TMTC2: variants seen among roughly 807,000 people sequenced by gnomAD.
TMTC2 encodes transmembrane O-mannosyltransferase targeting cadherins 2.
In TMTC2, 43 loss-of-function variants were observed where a neutral mutation model predicts 82.4. That is an observed-to-expected ratio of 0.52 (90% confidence interval 0.41 to 0.67). TMTC2 has a LOEUF of 0.67. Among genes scored for constraint, TMTC2 ranks in the 30% least tolerant of loss-of-function variants. The pLI, the probability that TMTC2 is intolerant of heterozygous loss-of-function variation, is 0.00. For synonymous variants in TMTC2, 408 were observed against 381.9 expected, an observed-to-expected ratio of 1.07 and a Z score of -0.80; for missense variants, 919 against 1,012.4, an observed-to-expected ratio of 0.91 and a Z score of 1.25.
At chr12:83,117,794 C>T (rs770714694) in intron 11 of TMTC2, among the ~76,000 whole-genome samples, 9 of 151,950 alleles carry the variant, frequency 5.9e-5, no homozygotes, top group South Asian at 4.2e-4. Context: ...GAGCATGAGA[C>T]GTATTTCCAT....
rs1298374846 is a variant in TMTC2 at position 82,925,188 on chromosome 12, A to G, written c.1484-5243A>G. On this transcript the variant is annotated intron_variant, in intron 3 of 11. Coordinates refer to ENST00000321196, the MANE Select transcript of TMTC2 (RefSeq NM_152588.3). ...ATCCTCATCCATACCATGTTACTTT[A>G]TTTTACATTATTTATAACACTTATC... 2.0e-5 allele frequency among the ~76,000 whole-genome samples: 3 copies of G among 152,204 alleles called. No individual in the cohort carries two copies. The East Asian group carries it at 5.8e-4, about 29-fold the overall frequency.
chr12:82,920,065 A>G (rs1290929240), intron 3 of TMTC2, among the ~76,000 whole-genome samples: 1 of 152,142 alleles, frequency 6.6e-6, no homozygotes, highest in Non-Finnish European at 1.5e-5. Flanking sequence ...CTAAGTATCA[A>G]TTTTCTATAT....
chr12:82,712,386 C>G (rs1249131827), intron 1 of TMTC2, among the ~76,000 whole-genome samples: 1 of 146,910 alleles, frequency 6.8e-6, no homozygotes, highest in African/African-American at 2.5e-5. Flanking sequence ...GCCAAGATCG[C>G]ACCACTGCAC....
intron 1 of TMTC2, among the ~76,000 whole-genome samples, chr12:82,731,286 G>GT (rs1874796371): frequency 6.6e-6 from 1 of 152,238 alleles, no homozygotes; most frequent in Non-Finnish European, 1.5e-5. Context: ...CTGAGCAAAT[G>GT]TTTCTGCGTA....
chr12:82,732,694 A>G (rs1361960766), intron 1 of TMTC2, among the ~76,000 whole-genome samples: 2 of 152,172 alleles, frequency 1.3e-5, no homozygotes, highest in African/African-American at 4.8e-5. Flanking sequence ...GTAGCTATAG[A>G]AAGACAGATG....
intron 1 of TMTC2, among the ~76,000 whole-genome samples, chr12:82,813,788 A>G (rs1340223199): frequency 1.3e-5 from 2 of 152,084 alleles, no homozygotes; most frequent in Non-Finnish European, 2.9e-5. Flanking sequence ...TTTAATGTTT[A>G]TGGTCATTCA....
chr12:83,014,629 C>T (rs1880594395), intron 8 of TMTC2, among the ~76,000 whole-genome samples: 1 of 152,080 alleles, frequency 6.6e-6, no homozygotes, highest in East Asian at 1.9e-4. Context: ...ATGAGCCAGT[C>T]CTGGAATGCT....
intron 1 of TMTC2, among the ~76,000 whole-genome samples, chr12:82,732,499 C>T (rs1184453400): frequency 1.3e-5 from 2 of 152,138 alleles, no homozygotes; most frequent in Non-Finnish European, 2.9e-5. Context: ...CCCGCCACCA[C>T]GCTTGGCTAA....
At chr12:82,875,370 G>C (rs1872431590) in intron 2 of TMTC2, among the ~76,000 whole-genome samples, 1 of 142,330 alleles carries the variant, frequency 7.0e-6, no homozygotes, top group African/African-American at 3.1e-5. Context: ...AATCATATAT[G>C]TGTGTATATA....
intron 11 of TMTC2, among the ~76,000 whole-genome samples, chr12:83,072,243 A>T (rs1035976287): frequency 1.3e-5 from 2 of 152,098 alleles, no homozygotes; most frequent in Admixed American, 1.3e-4. Context: ...TTAAATTTCC[A>T]TCTTGATTTT....
chr12:82,935,249 G>A (rs936470768), intron 4 of TMTC2, among the ~76,000 whole-genome samples: 9 of 152,026 alleles, frequency 5.9e-5, no homozygotes, highest in Non-Finnish European at 8.8e-5. Flanking sequence ...ATTTGAATCC[G>A]TGCTTACAGA....
chr12:82,713,052 G>A (rs1235512906), intron 1 of TMTC2, among the ~76,000 whole-genome samples: 10 of 152,198 alleles, frequency 6.6e-5, no homozygotes, highest in Admixed American at 6.5e-4. Flanking sequence ...AGGCGCAGTG[G>A]CTCACACCTG....
chr12:82,867,906 A>G (rs1293939375), intron 2 of TMTC2, among the ~76,000 whole-genome samples: 3 of 152,294 alleles, frequency 2.0e-5, no homozygotes, highest in East Asian at 1.9e-4. Context: ...GTATTTGGCT[A>G]ATCTTTTCAC....
chr12:82,723,593 G>T (rs1268815157), intron 1 of TMTC2, among the ~76,000 whole-genome samples: 2 of 152,096 alleles, frequency 1.3e-5, no homozygotes, highest in Non-Finnish European at 2.9e-5. Context: ...TTTCTCTTGG[G>T]AATGCTGAAT....
chr12:82,726,630 C>T (rs376236291), intron 1 of TMTC2, among the ~76,000 whole-genome samples: 12 of 152,200 alleles, frequency 7.9e-5, no homozygotes, highest in African/African-American at 2.6e-4. Flanking sequence ...CCTATAATCT[C>T]AGCACTTTGG....
rs150164126 is a variant in TMTC2 at position 82,949,249 on chromosome 12, T to C, written c.1599-15775T>C. Reference sequence around the variant, plus strand: ...CCTGCAAATAGCAAAGAATAGATAGTAAATCAGTATATAGGTTTAAAGTTA... The same window carrying C: ...CCTGCAAATAGCAAAGAATAGATAGCAAATCAGTATATAGGTTTAAAGTTA... On this transcript the variant is annotated intron_variant, in intron 4 of 11. Coordinates refer to ENST00000321196, the MANE Select transcript of TMTC2 (RefSeq NM_152588.3). Among the ~76,000 whole-genome samples, 1,309 of 152,346 alleles carry C rather than the reference T, an allele frequency of 8.6e-3. 21 individuals are homozygous for C. Among genetic ancestry groups the C allele is most frequent in the African/African-American group, 0.03 (1,241 of 41,592 alleles).
At chr12:82,700,809 G>C (rs1363667523) in intron 1 of TMTC2, among the ~76,000 whole-genome samples, 4 of 152,064 alleles carry the variant, frequency 2.6e-5, no homozygotes, top group African/African-American at 7.2e-5. Context: ...AGAAATACCT[G>C]AAACTGAGTA....
intron 3 of TMTC2, among the ~76,000 whole-genome samples, chr12:82,902,079 C>G (rs532835630): frequency 6.6e-6 from 1 of 152,290 alleles, no homozygotes; most frequent in East Asian, 1.9e-4. Context: ...GGCTCTGGGA[C>G]AAGGCTGAGA....
chr12:82,987,435 A>G (rs1408799611), intron 8 of TMTC2, among the ~76,000 whole-genome samples: 1 of 149,636 alleles, frequency 6.7e-6, no homozygotes, highest in Non-Finnish European at 1.5e-5. Context: ...AAAAAAAAAA[A>G]GAGAAAAAAA....
Sources: allele counts gnomAD v4.1 joint callset (sites outside exome capture counted in the v4.1 genomes callset), GRCh38; gene constraint gnomAD v4.1.1; transcripts MANE v1.5; gene names NCBI Gene and HGNC (gene_info 2026-07-23, HGNC 2026-07-21).